GAREM1: variants seen among roughly 807,000 people sequenced by gnomAD.
The protein encoded by GAREM1 is GRB2 associated regulator of MAPK1 subtype 1.
In GAREM1, 26 loss-of-function variants were observed where a neutral mutation model predicts 71.3. The ratio of observed to expected loss-of-function variants is 0.36; its 90% CI spans 0.27 to 0.51. The LOEUF (loss-of-function observed/expected upper bound fraction) is 0.51. Ranked by LOEUF, GAREM1 falls within the 20% of genes least tolerant of loss-of-function variation. The probability of loss-of-function intolerance (pLI) is 0.95; values close to 1 mark genes in which losing one functional copy is unlikely to be tolerated. For synonymous variants in GAREM1, 440 were observed against 433.2 expected (o/e 1.02, Z -0.20); for missense variants, 1,026 against 1,103.1 (o/e 0.93, Z 0.99).
At chr18:32,343,066 G>C (rs2047662136) in intron 2 of GAREM1, among the ~76,000 whole-genome samples, 1 of 152,148 alleles carries the variant, frequency 6.6e-6, no homozygotes, top group Non-Finnish European at 1.5e-5. Context: ...TAAGAACATT[G>C]CTAACTTGTT....
At chr18:32,352,194 C>A (rs1198031872) in intron 2 of GAREM1, among the ~76,000 whole-genome samples, 1 of 152,106 alleles carries the variant, frequency 6.6e-6, no homozygotes, top group African/African-American at 2.4e-5. Flanking sequence ...TTAGTCAGTT[C>A]TGCAAAATTT....
Position 32,287,361 on chromosome 18 carries a change from A to C in GAREM1, c.1236T>G (p.Asp412Glu). 6.2e-7 allele frequency: 1 copy of C among 1,614,170 alleles called. No homozygotes were observed. The highest frequency in any genetic ancestry group is 8.5e-7 in the Non-Finnish European group (1 of 1,180,026). ...GGATGTCATGAGGAAAGGGAGCCCA[A>C]TCTCCCCCCAGGTCCCTGCAACCAT... ...NLHGCRDLGG[D>E]WAPFPHDILP... is the part of the protein sequence containing the mutation. The change falls in exon 4 of 6, where the codon GAT becomes GAG. Residue 412 changes from aspartate (D) to glutamate (E), a missense_variant. Coordinates refer to ENST00000269209, the MANE Select transcript of GAREM1 (RefSeq NM_001242409.2). The surrounding 1 kb of genome is among the most constrained non-coding windows in gnomAD (Gnocchi z 5.9).
chr18:32,286,321 AGT>A (rs140225815), intron 4 of GAREM1, among the ~76,000 whole-genome samples: 6,758 of 142,742 alleles, frequency 0.047, 223 homozygotes, highest in East Asian at 0.11. Flanking sequence ...CTGGTTCTGG[AGT>A]GTGTGTGTGT....
chr18:32,294,482 A>AT (rs2047120309), intron 3 of GAREM1, among the ~76,000 whole-genome samples: 2 of 152,124 alleles, frequency 1.3e-5, no homozygotes, highest in African/African-American at 4.8e-5. Flanking sequence ...CTTTAGAATC[A>AT]TTTTTTCTAT....
chr18:32,420,849 G>A (rs990745217), intron 1 of GAREM1, among the ~76,000 whole-genome samples: 1 of 152,022 alleles, frequency 6.6e-6, no homozygotes, highest in African/African-American at 2.4e-5. Context: ...GTTCTCTGCC[G>A]TGGCTCTGTC....
At chr18:32,328,718 T>C (rs1453788960) in intron 2 of GAREM1, among the ~76,000 whole-genome samples, 1 of 152,188 alleles carries the variant, frequency 6.6e-6, no homozygotes, top group Non-Finnish European at 1.5e-5. Flanking sequence ...TGGCTCATTA[T>C]ATGGAGAAAA....
At chr18:32,292,495 C>G (rs1443050081) in intron 3 of GAREM1, among the ~76,000 whole-genome samples, 1 of 152,090 alleles carries the variant, frequency 6.6e-6, no homozygotes, top group Non-Finnish European at 1.5e-5. Flanking sequence ...TGGCTGTGAC[C>G]CCAACCAAAT....
At chr18:32,425,416 A>C (rs916833788) in intron 1 of GAREM1, among the ~76,000 whole-genome samples, 10 of 152,164 alleles carry the variant, frequency 6.6e-5, no homozygotes, top group African/African-American at 2.4e-4. Context: ...ACATTGTGGG[A>C]AAAGATTTTC....
Position 32,267,989 on chromosome 18 carries a change from A to T in GAREM1, c.2513T>A (p.Ile838Asn). ...TAGCTGAACAAGCAGGTTCCCATCAATCTTTTCAGTAACAAAGAATGATAT... is the reference window on the plus strand; with the variant it reads ...TAGCTGAACAAGCAGGTTCCCATCATTCTTTTCAGTAACAAAGAATGATAT... The part of the protein sequence containing the change: ...DVISFFVTEK[I>N]DGNLLVQLTE... Residue 838 changes from isoleucine to asparagine, a missense_variant, in exon 6 of 6, where the codon ATT becomes AAT. Ile to Asn is a moderately radical substitution (Grantham distance 149, BLOSUM62 -3). This residue lies in a region of GAREM1 where 636 missense variants were observed against 631.2 expected (regional missense o/e 1.01). Coordinates refer to ENST00000269209, the MANE Select transcript of GAREM1 (RefSeq NM_001242409.2). The T allele has an allele frequency of 6.2e-7, 1 of 1,613,656 alleles. No homozygotes were observed. The highest frequency in any genetic ancestry group is 8.5e-7 in the Non-Finnish European group (1 of 1,179,610).
chr18:32,274,770 T>C (rs909521731), intron 4 of GAREM1, among the ~76,000 whole-genome samples: 6 of 152,100 alleles, frequency 3.9e-5, no homozygotes, highest in Admixed American at 2.0e-4. Context: ...GCCCCACACA[T>C]TACACACTCT....
chr18:32,410,258 C>T (rs2048403592), intron 1 of GAREM1, among the ~76,000 whole-genome samples: 1 of 152,192 alleles, frequency 6.6e-6, no homozygotes, highest in Admixed American at 6.6e-5. Flanking sequence ...TTTATTATTC[C>T]ACCTGGTAGG....
chr18:32,365,679 C>A (rs796204658), intron 2 of GAREM1, among the ~76,000 whole-genome samples: 9 of 152,236 alleles, frequency 5.9e-5, no homozygotes, highest in African/African-American at 2.2e-4. Flanking sequence ...ATTTGCCCTG[C>A]TTCACACTCC....
At chr18:32,390,209 C>T (rs1214363682) in intron 2 of GAREM1, among the ~76,000 whole-genome samples, 1 of 151,494 alleles carries the variant, frequency 6.6e-6, no homozygotes, top group Non-Finnish European at 1.5e-5. Flanking sequence ...AACCACACTG[C>T]CTTCTTATTT....
intron 1 of GAREM1, among the ~76,000 whole-genome samples, chr18:32,465,861 C>G (rs10775452): frequency 0.45 from 67,894 of 152,024 alleles, 17,039 homozygotes; most frequent in African/African-American, 0.67. Context: ...ATGGAAGGAA[C>G]CTGTCGTTCA....
intron 2 of GAREM1, among the ~76,000 whole-genome samples, chr18:32,343,357 C>T (rs1216445954): frequency 6.7e-6 from 1 of 148,318 alleles, no homozygotes; most frequent in Non-Finnish European, 1.5e-5. Context: ...CTCTGTAGCC[C>T]AGGTTGGGGT....
At chr18:32,431,633 T>G (rs1311920462) in intron 1 of GAREM1, among the ~76,000 whole-genome samples, 1 of 151,822 alleles carries the variant, frequency 6.6e-6, no homozygotes, top group East Asian at 1.9e-4. Flanking sequence ...GTCTCAAAAA[T>G]AAACAAATAA....
chr18:32,420,036 G>T (rs144562136), intron 1 of GAREM1, among the ~76,000 whole-genome samples: 1 of 152,118 alleles, frequency 6.6e-6, no homozygotes, highest in African/African-American at 2.4e-5. Context: ...ACACTCCACA[G>T]GCTCTGGAGA....
At chr18:32,436,269 T>C (rs2048677320) in intron 1 of GAREM1, among the ~76,000 whole-genome samples, 1 of 152,154 alleles carries the variant, frequency 6.6e-6, no homozygotes, top group African/African-American at 2.4e-5. Flanking sequence ...AACCAACCTG[T>C]GGACCTCTGA....
chr18:32,415,906 C>A (rs531736762), intron 1 of GAREM1, among the ~76,000 whole-genome samples: 1 of 151,912 alleles, frequency 6.6e-6, no homozygotes, highest in Admixed American at 6.6e-5. Context: ...TAAAGAGCAT[C>A]CAAATTGGAA....
Sources: allele counts gnomAD v4.1 joint callset (sites outside exome capture counted in the v4.1 genomes callset), GRCh38; gene constraint gnomAD v4.1.1; regional missense constraint gnomAD v4.1.1; non-coding constraint Gnocchi (gnomAD v3.1); transcripts MANE v1.5; gene names NCBI Gene and HGNC (gene_info 2026-07-23, HGNC 2026-07-21).